Variants in TRMT10B observed in about 807,000 individuals in gnomAD.
TRMT10B encodes the protein tRNA methyltransferase 10 homolog B.
A neutral mutation model predicts 43.8 loss-of-function variants in TRMT10B; 33 were observed. The ratio of observed to expected loss-of-function variants is 0.75; its 90% CI spans 0.57 to 1.01. The LOEUF (loss-of-function observed/expected upper bound fraction) is 1.01. TRMT10B is among the 50% of genes least tolerant of loss of function. The probability of loss-of-function intolerance (pLI) is 0.00; values close to 1 mark genes in which losing one functional copy is unlikely to be tolerated. For missense variants in TRMT10B, 362 were observed against 369.8 expected (o/e 0.98, Z 0.17); for synonymous variants, 137 against 130.6 (o/e 1.05, Z -0.34).
chr9:37,764,817 C>T (rs1826808503), intron 4 of TRMT10B, among the ~76,000 whole-genome samples: 1 of 152,058 alleles, frequency 6.6e-6, no homozygotes, highest in Admixed American at 6.6e-5. Context: ...TGCATGACAC[C>T]TGACACTGGA....
intron 5 of TRMT10B, among the ~76,000 whole-genome samples, chr9:37,769,183 C>T (rs1827283989): frequency 6.6e-6 from 1 of 151,792 alleles, no homozygotes; most frequent in South Asian, 2.1e-4. Context: ...TGGTGCGCGC[C>T]TGTAGTCCCA....
At chr9:37,756,342 T>C (rs985274636) in intron 1 of TRMT10B, among the ~76,000 whole-genome samples, 4 of 152,148 alleles carry the variant, frequency 2.6e-5, no homozygotes, top group Non-Finnish European at 5.9e-5. Flanking sequence ...CAGATGACTC[T>C]GATGGTATAA....
intron 1 of TRMT10B, 32 bp from the exon 2 acceptor site, chr9:37,761,871 G>A: frequency 6.8e-7 from 1 of 1,470,606 alleles, no homozygotes; most frequent in Non-Finnish European, 9.3e-7. Flanking sequence ...GTGAAATAAT[G>A]TAATAGCTCA....
chr9:37,768,876 T>C (rs542008906), intron 5 of TRMT10B, among the ~76,000 whole-genome samples: 1 of 152,332 alleles, frequency 6.6e-6, no homozygotes, highest in South Asian at 2.1e-4. Context: ...TTTTCTTCTA[T>C]GTAGTTGTTT....
At chr9:37,768,549 G>T (rs1325082857) in intron 5 of TRMT10B, among the ~76,000 whole-genome samples, 1 of 152,148 alleles carries the variant, frequency 6.6e-6, no homozygotes, top group Non-Finnish European at 1.5e-5. Flanking sequence ...GAGTTTTGGG[G>T]GAAGAGAAGG....
At chr9:37,761,818 C>A in intron 1 of TRMT10B, 85 bp from the exon 2 acceptor site, 2 of 957,476 alleles carry the variant, frequency 2.1e-6, no homozygotes, top group Non-Finnish European at 3.1e-6. Flanking sequence ...TTCAGTAACA[C>A]AATAACACTT....
chr9:37,776,390 C>G lies in TRMT10B; in HGVS notation c.829C>G (p.Leu277Val). ...TGGGAAAAACTATCATTCAGAGATA[C>G]TGGCCATCAATCAAGGTACTTCTTA... Reference protein sequence around the residue: ...QNGKNYHSEILAINQVFDILS... With the variant: ...QNGKNYHSEIVAINQVFDILS... The change falls in exon 8 of 9, where the codon CTG becomes GTG. Residue 277 changes from leucine to valine, a missense_variant. Leu to Val is a conservative substitution (Grantham distance 32). Transcript: ENST00000297994. 1 of 1,609,532 alleles carries G rather than the reference C, an allele frequency of 6.2e-7. No individual in the cohort carries two copies. The highest frequency in any genetic ancestry group is 8.5e-7 in the Non-Finnish European group (1 of 1,178,466).
chr9:37,764,462 C>T (rs1156583831), intron 4 of TRMT10B, among the ~76,000 whole-genome samples: 44 of 151,876 alleles, frequency 2.9e-4, no homozygotes, highest in Non-Finnish European at 4.4e-5. Context: ...GCTGGGACTA[C>T]AGGCTCCTGC....
rs1484189668 is a variant in TRMT10B at position 37,777,726 on chromosome 9, T to G, written c.*19T>G. On this transcript the variant is annotated 3_prime_UTR_variant, in exon 9 of 9. Coordinates refer to ENST00000297994, the MANE Select transcript of TRMT10B (RefSeq NM_144964.4). ...GGAATGATGGGCCTAAGATTGCAGC[T>G]GCGTGGCCAGGTGCTCACGCCGTAA... 3.7e-6 allele frequency: 6 copies of G among 1,602,838 alleles called. No individual in the cohort carries two copies. In the Middle Eastern group the frequency reaches 5.0e-4, roughly 132 times the overall value.
Position 37,762,125 on chromosome 9 carries a change from C to A in TRMT10B, c.186+8C>A. 1 of 1,607,742 alleles carries A rather than the reference C, an allele frequency of 6.2e-7. No individual in the cohort carries two copies. Among genetic ancestry groups the A allele is most frequent in the African/African-American group, 1.3e-5 (1 of 74,904 alleles). Reference sequence around the variant, plus strand: ...AGTACGGCATGGTGCTCGGTGAGTGCGTGAATTGCCTGGCCATAGGCCTTG... The same window carrying A: ...AGTACGGCATGGTGCTCGGTGAGTGAGTGAATTGCCTGGCCATAGGCCTTG... On this transcript the variant is annotated splice_region_variant and intron_variant, in intron 2 of 8. Coordinates refer to ENST00000297994, the MANE Select transcript of TRMT10B (RefSeq NM_144964.4).
Position 37,762,213 on chromosome 9 carries a change from C to T in TRMT10B, c.186+96C>T, listed in dbSNP as rs115027894. ...TGGATACTGGTAGTGAAAAGAGAGA[C>T]GGAATGAGTTTTGTGTATTCTGAGT... On this transcript the variant is annotated intron_variant, in intron 2 of 8. Coordinates refer to ENST00000297994, the MANE Select transcript of TRMT10B (RefSeq NM_144964.4). The T allele has an allele frequency of 1.6e-3, 2,114 of 1,319,178 alleles. 28 individuals carry two copies. In the African/African-American group the frequency reaches 0.027, roughly 17 times the overall value. The allele number at this position is 1,319,178 out of a possible 1,614,324, so 81.7% of individuals were successfully genotyped here.
chr9:37,769,021 T>G (rs1270046167), intron 5 of TRMT10B, among the ~76,000 whole-genome samples: 1 of 152,062 alleles, frequency 6.6e-6, no homozygotes, highest in Non-Finnish European at 1.5e-5. Context: ...ATTAATCTAT[T>G]TTGAGGCTGG....
chr9:37,770,570 T>C (rs1416780826), intron 6 of TRMT10B, 102 bp from the exon 7 acceptor site: 2 of 1,110,832 alleles, frequency 1.8e-6, no homozygotes, highest in South Asian at 1.5e-5. Context: ...TGTTTTCTAC[T>C]GAATTTCTAC....
rs998147551 is a variant in TRMT10B at position 37,777,266 on chromosome 9, C to T, written c.845-335C>T. Among the ~76,000 whole-genome samples the T allele has an allele frequency of 2.2e-5, 3 of 135,992 alleles. No individual in the cohort carries two copies. In the Admixed American group the frequency reaches 2.3e-4, roughly 11 times the overall value. 89.2% of individuals were successfully genotyped at this position (135,992 alleles called of 152,430 possible). ...TTCATCTAGAATGCCCAGCTTTTAA[C>T]CTCTCACCACTGAATTCCTGTTTGA... On this transcript the variant is annotated intron_variant, in intron 8 of 8. Coordinates refer to ENST00000297994, the MANE Select transcript of TRMT10B (RefSeq NM_144964.4).
At position 37,777,850 on chromosome 9, in the gene TRMT10B, C is replaced by T. The variant is rs1340871716; in HGVS notation, c.*143C>T. 8.5e-6 allele frequency: 5 copies of T among 587,672 alleles called. No individual in the cohort carries two copies. The highest frequency in any genetic ancestry group is 1.5e-5 in the Non-Finnish European group (5 of 334,974). 36.4% of individuals were successfully genotyped at this position (587,672 alleles called of 1,614,324 possible). A position where few individuals can be genotyped will look rare whatever the true frequency, so the allele number is the denominator to read the frequency against. ...GTGAAACCCTTCTCTACTGAAAATA[C>T]AAAAATTAGCCAGGTGTGGTGGCGC... On this transcript the variant is annotated 3_prime_UTR_variant, in exon 9 of 9. Coordinates refer to ENST00000297994, the MANE Select transcript of TRMT10B (RefSeq NM_144964.4).
At chr9:37,775,029 G>T (rs1455501013) in intron 7 of TRMT10B, among the ~76,000 whole-genome samples, 2 of 152,226 alleles carry the variant, frequency 1.3e-5, no homozygotes, top group East Asian at 3.8e-4. Context: ...CATCTTACTT[G>T]CATGGTTTGG....
At chr9:37,776,902 C>CAA (rs60979956) in intron 8 of TRMT10B, among the ~76,000 whole-genome samples, 2 of 142,608 alleles carry the variant, frequency 1.4e-5, no homozygotes, top group African/African-American at 5.1e-5. Flanking sequence ...GTCTCAAAAA[C>CAA]AAAAAAAAAA....
chr9:37,757,929 T>C (rs770421970), intron 1 of TRMT10B, among the ~76,000 whole-genome samples: 9 of 152,060 alleles, frequency 5.9e-5, no homozygotes, highest in Admixed American at 1.3e-4. Flanking sequence ...TAAACCTATT[T>C]TAAGTGTGTC....
At chr9:37,772,386 G>A (rs1006975241) in intron 7 of TRMT10B, among the ~76,000 whole-genome samples, 2 of 151,410 alleles carry the variant, frequency 1.3e-5, no homozygotes, top group South Asian at 2.1e-4. Context: ...TTCTGGACTC[G>A]AGCAATCCTC....
Sources: gnomAD v4.1 joint callset for allele counts (sites outside exome capture counted in the v4.1 genomes callset) on GRCh38, gnomAD v4.1.1 for gene constraint, MANE v1.5 for transcripts, NCBI Gene and HGNC (gene_info 2026-07-23, HGNC 2026-07-21) for gene names.